Variants in PANX1 observed in about 807,000 individuals in gnomAD.
PANX1 encodes the protein pannexin-1.
PANX1 carries 30 observed loss-of-function variants against 38.7 expected under a neutral mutation model. The ratio of observed to expected loss-of-function variants is 0.78; its 90% confidence interval spans 0.58 to 1.05. PANX1 has a LOEUF of 1.05. Ranked by LOEUF, PANX1 falls within the 50% of genes least tolerant of loss-of-function variation. PANX1 has a pLI of 0.00. For missense variants in PANX1, 551 were observed against 517.2 expected (o/e 1.07, Z -0.63); for synonymous variants, 230 against 212.2 (o/e 1.08, Z -0.73).
intron 1 of PANX1, among the ~76,000 whole-genome samples, chr11:94,140,113 G>A (rs1243306095): frequency 1.3e-5 from 2 of 152,192 alleles, no homozygotes; most frequent in Non-Finnish European, 2.9e-5. Flanking sequence ...TTCAGAAAGT[G>A]GTGAATATTT....
intron 2 of PANX1, among the ~76,000 whole-genome samples, chr11:94,173,830 C>G (rs1462075113): frequency 6.6e-6 from 1 of 151,760 alleles, no homozygotes; most frequent in Admixed American, 6.6e-5. Flanking sequence ...TTAATTCAGT[C>G]TCTGCTTACA....
In PANX1 at chr11:94,129,103, C is replaced by A; in HGVS notation, c.-210C>A. On this transcript the variant is annotated 5_prime_UTR_variant, in exon 1 of 5. Coordinates refer to ENST00000227638, the MANE Select transcript of PANX1 (RefSeq NM_015368.4). ...GCTCTCGGGTTCCCGCCCCGCCCCG[C>A]CCCGCCGGCGGCGGAGGCAGCGAGC... 2.2e-6 allele frequency: 1 copy of A among 446,480 alleles called. No homozygotes were observed. The highest frequency in any genetic ancestry group is 4.1e-5 in the South Asian group (1 of 24,666). 27.7% of individuals were successfully genotyped at this position (446,480 alleles called of 1,614,324 possible).
chr11:94,149,252 C>G (rs1946858838), intron 1 of PANX1, among the ~76,000 whole-genome samples: 2 of 152,216 alleles, frequency 1.3e-5, no homozygotes, highest in African/African-American at 4.8e-5. Flanking sequence ...TGAGAAACCT[C>G]TGGCTTGCTC....
chr11:94,132,653 G>A (rs1946643456), intron 1 of PANX1, among the ~76,000 whole-genome samples: 1 of 152,062 alleles, frequency 6.6e-6, no homozygotes, highest in Non-Finnish European at 1.5e-5. Flanking sequence ...GTAATTACAT[G>A]TTTTTCCTTT....
chr11:94,166,585 C>A (rs1398414863), intron 2 of PANX1, among the ~76,000 whole-genome samples: 2 of 152,112 alleles, frequency 1.3e-5, no homozygotes, highest in East Asian at 3.9e-4. Context: ...TTTTGGGATC[C>A]TTTCTTTGTC....
At chr11:94,161,966 G>A (rs1332727023) in intron 2 of PANX1, among the ~76,000 whole-genome samples, 9 of 152,194 alleles carry the variant, frequency 5.9e-5, no homozygotes, top group Admixed American at 5.9e-4. Context: ...AGGTGTGTTG[G>A]AGTTTGCCAG....
chr11:94,158,628 T>C (rs1206887590), intron 2 of PANX1, among the ~76,000 whole-genome samples: 1 of 152,240 alleles, frequency 6.6e-6, no homozygotes, highest in African/African-American at 2.4e-5. Context: ...AAGTTGCTTA[T>C]AAGCTTAAGG....
intron 1 of PANX1, among the ~76,000 whole-genome samples, chr11:94,150,914 G>T (rs578124970): frequency 2.6e-5 from 4 of 152,266 alleles, no homozygotes; most frequent in African/African-American, 7.2e-5. Context: ...AGCTCCTCCA[G>T]GGTGGCCTTG....
intron 1 of PANX1, among the ~76,000 whole-genome samples, chr11:94,134,138 G>A (rs1946661260): frequency 6.6e-6 from 1 of 152,196 alleles, no homozygotes; most frequent in Non-Finnish European, 1.5e-5. Context: ...TTATTTTTGT[G>A]ATGAGGAAGA....
chr11:94,151,960 A>G (rs1021514890), intron 1 of PANX1, among the ~76,000 whole-genome samples: 13 of 152,312 alleles, frequency 8.5e-5, no homozygotes, highest in African/African-American at 2.9e-4. Context: ...TCCTACCACA[A>G]GAATATACTC....
chr11:94,177,409 A>G (rs1220896483), intron 2 of PANX1, among the ~76,000 whole-genome samples: 1 of 151,910 alleles, frequency 6.6e-6, no homozygotes, highest in African/African-American at 2.4e-5. Flanking sequence ...TCAAGGGCCT[A>G]GACCAGGGTC....
intron 1 of PANX1, among the ~76,000 whole-genome samples, chr11:94,146,308 G>A (rs771107478): frequency 5.2e-4 from 79 of 151,876 alleles, no homozygotes; most frequent in Non-Finnish European, 2.9e-4. Context: ...TTAATCCATT[G>A]CAACTAATAC....
intron 1 of PANX1, among the ~76,000 whole-genome samples, chr11:94,146,849 T>C (rs1440245686): frequency 6.6e-6 from 1 of 152,176 alleles, no homozygotes; most frequent in Non-Finnish European, 1.5e-5. Flanking sequence ...CTATAAAGGC[T>C]CGTTTGGGAG....
intron 2 of PANX1, among the ~76,000 whole-genome samples, chr11:94,176,426 A>G (rs1273435739): frequency 6.6e-6 from 1 of 151,676 alleles, no homozygotes; most frequent in East Asian, 1.9e-4. Context: ...AGAGGACAGT[A>G]GGGGAAAAAC....
chr11:94,178,715 C>T (rs1947266192), intron 3 of PANX1, 123 bp downstream of exon 3: 19 of 692,662 alleles, frequency 2.7e-5, no homozygotes, highest in South Asian at 2.0e-4. Flanking sequence ...AGCAGGGGGA[C>T]GTCATGCACC....
chr11:94,147,889 C>T (rs534097814), intron 1 of PANX1, among the ~76,000 whole-genome samples: 10 of 152,220 alleles, frequency 6.6e-5, no homozygotes, highest in African/African-American at 2.4e-4. Flanking sequence ...TTGATCTATT[C>T]AACAGGGTTG....
intron 2 of PANX1, among the ~76,000 whole-genome samples, chr11:94,164,466 C>T (rs1947080706): frequency 6.6e-6 from 1 of 152,196 alleles, no homozygotes; most frequent in South Asian, 2.1e-4. Flanking sequence ...ACCCAGTGGT[C>T]ATTCAGGAGC....
At chr11:94,169,225 C>G (rs770269003) in intron 2 of PANX1, among the ~76,000 whole-genome samples, 1 of 151,334 alleles carries the variant, frequency 6.6e-6, no homozygotes, top group Non-Finnish European at 1.5e-5. Flanking sequence ...GAGGGCTGCT[C>G]CAACATGGAG....
chr11:94,156,227 T>A (rs939267488), intron 2 of PANX1, among the ~76,000 whole-genome samples: 5 of 152,216 alleles, frequency 3.3e-5, no homozygotes, highest in African/African-American at 1.2e-4. Context: ...GCTCAGATCT[T>A]CAGACTTCTA....
Sources: gnomAD v4.1 joint callset for allele counts (sites outside exome capture counted in the v4.1 genomes callset) on GRCh38, gnomAD v4.1.1 for gene constraint, MANE v1.5 for transcripts, NCBI Gene and HGNC (gene_info 2026-07-23, HGNC 2026-07-21) for gene names.